Variants in VIPR2 observed in about 807,000 individuals in gnomAD.
VIPR2 encodes the protein vasoactive intestinal peptide receptor 2, also known as vasoactive intestinal polypeptide receptor 2.
VIPR2 carries 48 observed loss-of-function variants against 58.0 expected under a neutral mutation model. That is an observed-to-expected ratio of 0.83 (90% CI 0.66 to 1.05). The LOEUF is 1.05. Ranked by LOEUF, VIPR2 falls within the 50% of genes least tolerant of loss-of-function variation. The probability of loss-of-function intolerance (pLI) is 0.00; values close to 1 mark genes in which losing one functional copy is unlikely to be tolerated. For synonymous variants in VIPR2, 243 were observed against 235.2 expected, an observed-to-expected ratio of 1.03 and a Z score of -0.30; for missense variants, 534 against 558.0, an observed-to-expected ratio of 0.96 and a Z score of 0.43.
In VIPR2 at chr7:159,144,765, T is replaced by G; in HGVS notation, c.7A>C (p.Thr3Pro). The change falls in exon 1 of 13, where the codon ACG becomes CCG. Residue 3 changes from threonine (T) to proline (P), a missense_variant. Thr to Pro is a conservative substitution (Grantham distance 38). Transcript: ENST00000262178. ...GTCAGCAGCGCGGGAGGCAGCAGCGTCCGCATCCCGAGCTCAGCGTGCCGG... is the reference window on the plus strand; with the variant it reads ...GTCAGCAGCGCGGGAGGCAGCAGCGGCCGCATCCCGAGCTCAGCGTGCCGG... The part of the protein sequence containing the change: MR[T>P]LLPPALLTCW... The G allele has an allele frequency of 7.9e-7, 1 of 1,258,254 alleles. No individual in the cohort carries two copies. The highest frequency in any genetic ancestry group is 1.0e-6 in the Non-Finnish European group (1 of 1,003,266). 77.9% of individuals were successfully genotyped at this position (1,258,254 alleles called of 1,614,324 possible).
chr7:159,055,394 T>A (rs1855256247), intron 5 of VIPR2, among the ~76,000 whole-genome samples: 1 of 152,170 alleles, frequency 6.6e-6, no homozygotes, highest in Non-Finnish European at 1.5e-5. Flanking sequence ...CTGGTAAACA[T>A]GCATTCTGAA....
At chr7:159,076,097 G>A (rs1213975870) in intron 4 of VIPR2, among the ~76,000 whole-genome samples, 1 of 152,170 alleles carries the variant, frequency 6.6e-6, no homozygotes, top group Admixed American at 6.5e-5. Context: ...TTCATGTCTG[G>A]GTAATTTAAG....
rs773119804 is a variant in VIPR2, at chr7:159,030,773, T to C, written c.1160A>G (p.Lys387Arg). The change falls in exon 13 of 13, where the codon AAG becomes AGG. Residue 387 changes from lysine to arginine, a missense_variant. Lys to Arg is a conservative substitution (Grantham distance 26, BLOSUM62 2). This residue lies in a region of VIPR2 where 306 missense variants were observed against 285.8 expected (regional missense o/e 1.07). Transcript: ENST00000262178. ...FLNSEVQCEL[K>R]RKWRSRCPTP... ...CGGGCACCGGCTTCGCCATTTTCGC[T>C]TCAGCTCGCACTGCACCTGGGAGGT... The C allele has an allele frequency of 2.3e-5, 36 of 1,594,894 alleles. No homozygotes were observed. Among genetic ancestry groups the C allele is most frequent in the Non-Finnish European group, 3.0e-5 (35 of 1,171,812 alleles).
intron 2 of VIPR2, among the ~76,000 whole-genome samples, chr7:159,115,881 T>C (rs1436303760): frequency 6.6e-6 from 1 of 152,260 alleles, no homozygotes; most frequent in East Asian, 1.9e-4. Flanking sequence ...TCAAGTCAGC[T>C]TCCTGGGGCC....
chr7:159,108,803 G>A (rs535390457), intron 3 of VIPR2, among the ~76,000 whole-genome samples: 16 of 152,338 alleles, frequency 1.1e-4, no homozygotes, highest in African/African-American at 3.8e-4. Flanking sequence ...AATGGATGCA[G>A]CCCAAGCTGC....
intron 4 of VIPR2, among the ~76,000 whole-genome samples, chr7:159,060,770 C>G (rs559195332): frequency 6.6e-6 from 1 of 152,212 alleles, no homozygotes; most frequent in Admixed American, 6.5e-5. Context: ...ACCTAACCCA[C>G]CCTCACCTCA....
chr7:159,109,547 C>T (rs568706672), intron 3 of VIPR2, among the ~76,000 whole-genome samples: 237 of 152,286 alleles, frequency 1.6e-3, no homozygotes, highest in African/African-American at 5.5e-3. Context: ...GCACGTTTCC[C>T]GTGCTTTGGT....
At chr7:159,119,913 CAAA>C in intron 2 of VIPR2, among the ~76,000 whole-genome samples, 1 of 150,978 alleles carries the variant, frequency 6.6e-6, no homozygotes, top group African/African-American at 2.5e-5. Flanking sequence ...CCTTGATGCA[CAAA>C]GCCTGGTAGG....
chr7:159,063,249 G>A (rs1855824213), intron 4 of VIPR2, among the ~76,000 whole-genome samples: 2 of 152,134 alleles, frequency 1.3e-5, no homozygotes, highest in African/African-American at 4.8e-5. Context: ...GGGAGACTCG[G>A]GCATGGTGGG....
intron 2 of VIPR2, among the ~76,000 whole-genome samples, chr7:159,137,283 A>AAAG (rs202247208): frequency 0.13 from 19,035 of 152,180 alleles, 1,258 homozygotes; most frequent in East Asian, 0.16. Flanking sequence ...TCTCAACCAT[A>AAAG]ATTCCCTTTA....
At chr7:159,030,844 G>A in intron 12 of VIPR2, 55 bp from the exon 13 acceptor site, 4 of 1,434,224 alleles carry the variant, frequency 2.8e-6, no homozygotes, top group East Asian at 2.8e-5. Context: ...GCGGGCGGCT[G>A]CTATGGGAAG....
intron 5 of VIPR2, among the ~76,000 whole-genome samples, chr7:159,050,061 G>A (rs1474269470): frequency 2.6e-5 from 4 of 152,140 alleles, no homozygotes; most frequent in Non-Finnish European, 5.9e-5. Flanking sequence ...CACTGGCCAG[G>A]CACGGTGGCT....
chr7:159,064,129 C>A (rs1855934460), intron 4 of VIPR2, among the ~76,000 whole-genome samples: 1 of 151,786 alleles, frequency 6.6e-6, no homozygotes, highest in Non-Finnish European at 1.5e-5. Flanking sequence ...GGGGAAGCCG[C>A]GCCCGGCGTG....
rs1388170489 is a variant in VIPR2, at chr7:159,097,142, A to T, written c.357+6615T>A. 2 of 1,467,688 alleles carry T rather than the reference A, an allele frequency of 1.4e-6. No homozygotes were observed. The highest frequency in any genetic ancestry group is 5.0e-5 in the East Asian group (2 of 40,036). The allele number at this position is 1,467,688 out of a possible 1,614,324, so 90.9% of individuals were successfully genotyped here. A position where few individuals can be genotyped will look rare whatever the true frequency, so the allele number is the denominator to read the frequency against. On this transcript the variant is annotated intron_variant, in intron 4 of 12. Transcript: ENST00000262178. This position sits in a 1 kb window ranked among gnomAD's most constrained non-coding sequence, Gnocchi z 5.3. ...ATCAGATGGTGCCTCCCACAAAGGC[A>T]TCTGCAGTGCCAGCTGCTGTGATCT...
At chr7:159,140,371 TA>T (rs1563361773) in intron 2 of VIPR2, among the ~76,000 whole-genome samples, 1 of 152,220 alleles carries the variant, frequency 6.6e-6, no homozygotes, top group Non-Finnish European at 1.5e-5. Flanking sequence ...ACATCGCTGA[TA>T]GCATCTTTAT....
At chr7:159,035,324 G>A (rs6949062) in intron 8 of VIPR2, among the ~76,000 whole-genome samples, 1 of 152,144 alleles carries the variant, frequency 6.6e-6, no homozygotes, top group Non-Finnish European at 1.5e-5. Context: ...AGTCCTCAAA[G>A]CTGCTGAGTC....
At chr7:159,126,819 C>T (rs868375040) in intron 2 of VIPR2, among the ~76,000 whole-genome samples, 4 of 151,972 alleles carry the variant, frequency 2.6e-5, no homozygotes, top group South Asian at 2.2e-4. Flanking sequence ...AATGAGCATT[C>T]GTTTCTCCAG....
chr7:159,051,628 G>T (rs1855013097), intron 5 of VIPR2, among the ~76,000 whole-genome samples: 3 of 152,154 alleles, frequency 2.0e-5, no homozygotes, highest in Middle Eastern at 6.8e-3. Flanking sequence ...CAATTAAATG[G>T]AGCTTATAAA....
chr7:159,130,463 G>GT (rs1554519924), intron 2 of VIPR2, among the ~76,000 whole-genome samples: 1 of 2,644 alleles, frequency 3.8e-4, no homozygotes, highest in Non-Finnish European at 1.6e-3. Context: ...ATCTTTTCAG[G>GT]GTTCTGCATG....
Sources: gnomAD v4.1 joint callset for allele counts (sites outside exome capture counted in the v4.1 genomes callset) on GRCh38, gnomAD v4.1.1 for gene constraint, gnomAD v4.1.1 regional missense constraint, Gnocchi (gnomAD v3.1) non-coding constraint, MANE v1.5 for transcripts, NCBI Gene and HGNC (gene_info 2026-07-23, HGNC 2026-07-21) for gene names.